C4BPA: variants seen among roughly 807,000 people sequenced by gnomAD.
C4BPA encodes the protein complement component 4 binding protein alpha.
C4BPA carries 31 observed loss-of-function variants against 63.7 expected under a neutral mutation model. The observed-to-expected ratio is 0.49, with a 90% CI of 0.37 to 0.66. The LOEUF (loss-of-function observed/expected upper bound fraction) is 0.66, where lower values mean the gene tolerates loss of function less well. C4BPA is among the 30% of genes least tolerant of loss of function. The pLI, the probability that C4BPA is intolerant of heterozygous loss-of-function variation, is 0.00. For synonymous variants in C4BPA, 259 were observed against 254.7 expected, an observed-to-expected ratio of 1.02 and a Z score of -0.16; for missense variants, 572 against 723.3, an observed-to-expected ratio of 0.79 and a Z score of 2.40.
chr1:207,116,465 G>T (rs1684788886), intron 4 of C4BPA, among the ~76,000 whole-genome samples: 1 of 149,812 alleles, frequency 6.7e-6, no homozygotes, highest in South Asian at 2.1e-4. Context: ...TTTAGGCCTT[G>T]ATTCTGATAT....
intron 4 of C4BPA, among the ~76,000 whole-genome samples, chr1:207,120,050 T>C (rs1684889851): frequency 6.6e-6 from 1 of 152,154 alleles, no homozygotes; most frequent in Non-Finnish European, 1.5e-5. Context: ...ACCCAGTATG[T>C]CTGGGTGCCC....
chr1:207,106,442 T>TTTTTTTTTG (rs371127800), intron 1 of C4BPA, among the ~76,000 whole-genome samples: 13,770 of 109,432 alleles, frequency 0.13, 923 homozygotes, highest in African/African-American at 0.23. Flanking sequence ...TCCGTGTAAG[T>TTTTTTTTTG]TTTTTTTTTT....
Position 207,140,973 on chromosome 1 carries a change from G to T in C4BPA, c.1274-133G>T, listed in dbSNP as rs1685400814. On this transcript the variant is annotated intron_variant, in intron 9 of 11. Coordinates refer to ENST00000367070, the MANE Select transcript of C4BPA (RefSeq NM_000715.4). ...AGGAGAGCAGAAGTGTCTGGGTTTG[G>T]CTACGTGCTCTTACAGGCAGCGAGG... 8.1e-6 allele frequency: 5 copies of T among 620,322 alleles called. No individual in the cohort carries two copies. The South Asian group carries it at 1.3e-4, about 16-fold the overall frequency. 38.4% of individuals were successfully genotyped at this position (620,322 alleles called of 1,614,324 possible). A position where few individuals can be genotyped will look rare whatever the true frequency, so the allele number is the denominator to read the frequency against.
intron 1 of C4BPA, among the ~76,000 whole-genome samples, chr1:207,108,705 G>A (rs576555911): frequency 6.6e-5 from 10 of 152,128 alleles, no homozygotes; most frequent in Non-Finnish European, 8.8e-5. Context: ...AGGCCCAGAG[G>A]TCTGTGGGTG....
rs557519707 is a variant in C4BPA at position 207,140,722 on chromosome 1, G to A, written c.1274-384G>A. On this transcript the variant is annotated intron_variant, in intron 9 of 11. Transcript: ENST00000367070. ...GGGGAGCAATGACTCAGAGATTGTG[G>A]ATGATATAACATCCTTACAGTTTCT... Among the ~76,000 whole-genome samples, 19 of 152,272 alleles carry A rather than the reference G, an allele frequency of 1.2e-4. No homozygotes were observed. In the South Asian group the frequency reaches 3.1e-3, roughly 25 times the overall value.
chr1:207,124,950 C>T (rs1285837435), intron 6 of C4BPA, among the ~76,000 whole-genome samples: 1 of 152,162 alleles, frequency 6.6e-6, no homozygotes, highest in Non-Finnish European at 1.5e-5. Context: ...ATATAATTTG[C>T]ACCTATAAGA....
chr1:207,140,260 T>C (rs1685385506), intron 9 of C4BPA, among the ~76,000 whole-genome samples: 1 of 152,228 alleles, frequency 6.6e-6, no homozygotes, highest in African/African-American at 2.4e-5. Context: ...CTCTAGGACT[T>C]CCCATGTGGC....
chr1:207,137,018 C>T (rs1469104732), intron 9 of C4BPA, among the ~76,000 whole-genome samples: 2 of 152,202 alleles, frequency 1.3e-5, no homozygotes, highest in Non-Finnish European at 2.9e-5. Flanking sequence ...TCCTCTTTGT[C>T]CTGTCATTTC....
At chr1:207,143,539 G>C (rs766186315) in intron 10 of C4BPA, among the ~76,000 whole-genome samples, 1 of 152,150 alleles carries the variant, frequency 6.6e-6, no homozygotes, top group Non-Finnish European at 1.5e-5. Context: ...TTGAGCAAGT[G>C]TCTTAATGTA....
intron 1 of C4BPA, 33 bp from the exon 2 acceptor site, chr1:207,112,968 A>G (rs1684700272): frequency 6.6e-7 from 1 of 1,526,298 alleles, no homozygotes; most frequent in South Asian, 1.3e-5. Context: ...TTGGAATTCA[A>G]TGACTATTTA....
At chr1:207,111,564 G>A (rs1318006338) in intron 1 of C4BPA, among the ~76,000 whole-genome samples, 1 of 152,104 alleles carries the variant, frequency 6.6e-6, no homozygotes, top group African/African-American at 2.4e-5. Flanking sequence ...AAAGAATGAA[G>A]GGCACTATAA....
intron 1 of C4BPA, among the ~76,000 whole-genome samples, chr1:207,109,934 G>C (rs1426996470): frequency 1.3e-5 from 2 of 152,222 alleles, no homozygotes; most frequent in Admixed American, 1.3e-4. Flanking sequence ...ACTGTAAGGG[G>C]AGACACTGAT....
rs1261362732 is a variant in C4BPA, at chr1:207,117,536, GA to G, written c.428+2023del. Among the ~76,000 whole-genome samples the G allele has an allele frequency of 1.1e-4, 16 of 152,292 alleles. No individual in the cohort carries two copies. In the East Asian group the frequency reaches 2.9e-3, roughly 28 times the overall value. ...CTAGTTAAGAATATGTTACCGTAGAGAAGGCAAAACTATTCCTCTACCCTCT... is the reference window on the plus strand; with the variant it reads ...CTAGTTAAGAATATGTTACCGTAGAGAGGCAAAACTATTCCTCTACCCTCT... On this transcript the variant is annotated intron_variant, in intron 4 of 11. Transcript: ENST00000367070.
chr1:207,141,052 A>G, intron 9 of C4BPA, 54 bp from the exon 10 acceptor site: 1 of 1,398,502 alleles, frequency 7.2e-7, no homozygotes, highest in African/African-American at 1.4e-5. Context: ...GCAATGTGCT[A>G]CTTTATACAC....
At chr1:207,126,428 A>G (rs1685045173) in intron 6 of C4BPA, among the ~76,000 whole-genome samples, 2 of 148,964 alleles carry the variant, frequency 1.3e-5, no homozygotes, top group Admixed American at 6.7e-5. Flanking sequence ...ATGAGTTTCC[A>G]TTACATTGGT....
intron 8 of C4BPA, among the ~76,000 whole-genome samples, chr1:207,133,267 T>C (rs1343233070): frequency 6.6e-6 from 1 of 152,218 alleles, no homozygotes; most frequent in East Asian, 1.9e-4. Flanking sequence ...TTATAATTCC[T>C]AAACAAATGA....
chr1:207,134,583 T>C lies in C4BPA; in HGVS notation c.1264T>C (p.Cys422Arg). The change falls in exon 9 of 12, where the codon TGT (cysteine) becomes CGT (arginine). Residue 422 changes from cysteine (C) to arginine (R), a missense_variant. Cys to Arg is a radical substitution (Grantham distance 180). Transcript: ENST00000367070. ...CACGTGGAGTCCCCGAACACCATCA[T>C]GTGGAGACAGTAAGAGTTCATAGAA... ...DGTWSPRTPS[C>R]GDICNFPPKI... The C allele has an allele frequency of 6.2e-7, 1 of 1,610,578 alleles. No individual in the cohort carries two copies. The highest frequency in any genetic ancestry group is 8.5e-7 in the Non-Finnish European group (1 of 1,177,216).
intron 3 of C4BPA, 41 bp downstream of exon 3, chr1:207,114,326 C>G (rs769084248): frequency 8.7e-5 from 129 of 1,479,446 alleles, no homozygotes; most frequent in Non-Finnish European, 1.1e-4. Flanking sequence ...CTTTTCCTAT[C>G]TTTGGAAAGT....
chr1:207,124,399 G>A, intron 6 of C4BPA, 33 bp downstream of exon 6: 3 of 1,514,452 alleles, frequency 2.0e-6, no homozygotes, highest in East Asian at 2.3e-5. Flanking sequence ...GCATCAAAAT[G>A]TTTGCTCTCT....
Sources: allele counts gnomAD v4.1 joint callset (sites outside exome capture counted in the v4.1 genomes callset), GRCh38; gene constraint gnomAD v4.1.1; transcripts MANE v1.5; gene names NCBI Gene and HGNC (gene_info 2026-07-23, HGNC 2026-07-21).